CADPS2: variants seen among roughly 807,000 people sequenced by gnomAD.
CADPS2 encodes the protein calcium dependent secretion activator 2.
Under a neutral mutation model 172.5 loss-of-function variants are expected in CADPS2, and 93 were observed. The ratio of observed to expected loss-of-function variants is 0.54; its 90% CI spans 0.46 to 0.64. The LOEUF (loss-of-function observed/expected upper bound fraction) is 0.64. CADPS2 is among the 30% of genes least tolerant of loss of function. CADPS2 has a pLI of 0.00. For synonymous variants in CADPS2, 546 were observed against 555.2 expected (o/e 0.98, Z 0.23); for missense variants, 1,420 against 1,565.9 (o/e 0.91, Z 1.57).
chr7:122,798,709 TTC>T (rs1796932442), intron 1 of CADPS2, among the ~76,000 whole-genome samples: 1 of 152,098 alleles, frequency 6.6e-6, no homozygotes, highest in Non-Finnish European at 1.5e-5. Flanking sequence ...CTAGAGAAAC[TTC>T]TGTTTTACTA....
chr7:122,451,902 G>A (rs887874569), intron 14 of CADPS2, among the ~76,000 whole-genome samples: 3 of 152,100 alleles, frequency 2.0e-5, no homozygotes, highest in Non-Finnish European at 2.9e-5. Flanking sequence ...ACACAGAACT[G>A]GAGATTTAAT....
chr7:122,592,839 G>A (rs6976467), intron 6 of CADPS2, among the ~76,000 whole-genome samples: 1,689 of 150,948 alleles, frequency 0.011, 31 homozygotes, highest in African/African-American at 0.038. Flanking sequence ...GCCTTCCAGG[G>A]GGATGGGGGG....
At chr7:122,869,064 C>G (rs1474193206) in intron 1 of CADPS2, among the ~76,000 whole-genome samples, 2 of 151,950 alleles carry the variant, frequency 1.3e-5, no homozygotes, top group African/African-American at 4.8e-5. Context: ...AATTATGGAA[C>G]ACCATCAAGT....
At chr7:122,393,655 A>T in intron 20 of CADPS2, 73 bp from the exon 21 acceptor site, 1 of 1,537,522 alleles carries the variant, frequency 6.5e-7, no homozygotes, top group South Asian at 1.2e-5. Context: ...GGGCCAAAAA[A>T]ACACGTTTTC....
At chr7:122,701,150 GA>G (rs763743907) in intron 2 of CADPS2, among the ~76,000 whole-genome samples, 11 of 151,506 alleles carry the variant, frequency 7.3e-5, no homozygotes, top group East Asian at 3.9e-4. Flanking sequence ...GTAACTTGAA[GA>G]AAAAAAAATT....
chr7:122,853,467 T>A (rs1168157237), intron 1 of CADPS2, among the ~76,000 whole-genome samples: 2 of 152,220 alleles, frequency 1.3e-5, no homozygotes, highest in Non-Finnish European at 2.9e-5. Flanking sequence ...TTTGTTGCTT[T>A]AGCCCAAAGG....
intron 1 of CADPS2, among the ~76,000 whole-genome samples, chr7:122,765,390 C>T (rs770864476): frequency 2.0e-5 from 3 of 152,014 alleles, no homozygotes; most frequent in Non-Finnish European, 4.4e-5. Context: ...CAGCCATCAT[C>T]CAGAACAGTG....
chr7:122,435,313 C>T (rs1370705027), intron 17 of CADPS2, among the ~76,000 whole-genome samples: 1 of 151,946 alleles, frequency 6.6e-6, no homozygotes, highest in Non-Finnish European at 1.5e-5. Flanking sequence ...ACAGCAGAAA[C>T]CCAAATAGCC....
chr7:122,531,467 G>C (rs2061747208), intron 8 of CADPS2, among the ~76,000 whole-genome samples: 1 of 152,100 alleles, frequency 6.6e-6, no homozygotes. Flanking sequence ...TCTTTTAGTT[G>C]TTCCCACTAA....
chr7:122,362,260 T>C (rs1015677956), intron 25 of CADPS2, among the ~76,000 whole-genome samples: 3 of 152,158 alleles, frequency 2.0e-5, no homozygotes, highest in Admixed American at 6.5e-5. Flanking sequence ...TCCCAAAGCT[T>C]ACGTAGCAGT....
intron 3 of CADPS2, among the ~76,000 whole-genome samples, chr7:122,633,434 G>T: frequency 6.6e-6 from 1 of 152,068 alleles, no homozygotes; most frequent in South Asian, 2.1e-4. Context: ...GTATTCCTGG[G>T]TTTTTTGTTT....
intron 1 of CADPS2, among the ~76,000 whole-genome samples, chr7:122,840,052 T>G (rs911636565): frequency 1.4e-4 from 21 of 152,142 alleles, no homozygotes; most frequent in Admixed American, 6.5e-4. Flanking sequence ...AATGATAGAC[T>G]GGATTAAGAA....
chr7:122,669,803 A>T (rs2135524186), intron 2 of CADPS2, among the ~76,000 whole-genome samples: 1 of 151,878 alleles, frequency 6.6e-6, no homozygotes, highest in Non-Finnish European at 1.5e-5. Context: ...ATATTACCTC[A>T]CATCTCTCCT....
intron 6 of CADPS2, among the ~76,000 whole-genome samples, chr7:122,582,540 C>A (rs373713155): frequency 4.0e-4 from 61 of 151,746 alleles, no homozygotes; most frequent in African/African-American, 1.4e-3. Flanking sequence ...AGACTTTTTG[C>A]AATTTCATAT....
rs2031816125 is a variant in CADPS2, at chr7:122,318,827, G to A, written c.*1338C>T. On this transcript the variant is annotated 3_prime_UTR_variant, in exon 30 of 30. Coordinates refer to ENST00000449022, the MANE Select transcript of CADPS2 (RefSeq NM_017954.11). ...TACACCATGGGAGAACGAATCTGGAGGTCCAAGTTGTTTCATTTCTAAAGT... is the reference window on the plus strand; with the variant it reads ...TACACCATGGGAGAACGAATCTGGAAGTCCAAGTTGTTTCATTTCTAAAGT... The A allele has an allele frequency of 6.6e-6, 1 of 152,112 alleles. No homozygotes were observed. Among genetic ancestry groups the A allele is most frequent in the Non-Finnish European group, 1.5e-5 (1 of 68,018 alleles). The allele number at this position is 152,112 out of a possible 1,614,324, so 9.4% of individuals were successfully genotyped here. A position where few individuals can be genotyped will look rare whatever the true frequency, so the allele number is the denominator to read the frequency against.
At chr7:122,748,006 A>G (rs1024158549) in intron 1 of CADPS2, among the ~76,000 whole-genome samples, 6 of 152,082 alleles carry the variant, frequency 3.9e-5, no homozygotes, top group Non-Finnish European at 5.9e-5. Context: ...CCTTTTCCTT[A>G]CTAGGATGCA....
intron 1 of CADPS2, among the ~76,000 whole-genome samples, chr7:122,834,367 G>T (rs1056867694): frequency 6.6e-6 from 1 of 152,112 alleles, no homozygotes; most frequent in Non-Finnish European, 1.5e-5. Context: ...CAGCGTGAGC[G>T]ACACGGGTAA....
At chr7:122,404,231 G>C (rs1313122416) in intron 20 of CADPS2, among the ~76,000 whole-genome samples, 1 of 151,936 alleles carries the variant, frequency 6.6e-6, no homozygotes, top group East Asian at 1.9e-4. Context: ...CTATCAGTGA[G>C]AATATACGGT....
At chr7:122,330,332 A>C (rs2034705940) in intron 28 of CADPS2, among the ~76,000 whole-genome samples, 1 of 152,246 alleles carries the variant, frequency 6.6e-6, no homozygotes, top group Non-Finnish European at 1.5e-5. Context: ...AGGATCATTT[A>C]GTAAAGAGCA....
Sources: allele counts gnomAD v4.1 joint callset (sites outside exome capture counted in the v4.1 genomes callset), GRCh38; gene constraint gnomAD v4.1.1; transcripts MANE v1.5; gene names NCBI Gene and HGNC (gene_info 2026-07-23, HGNC 2026-07-21).